Variants in TMEM9 observed in about 807,000 individuals in gnomAD.
The protein encoded by TMEM9 is proton-transporting V-type ATPase complex assembly regulator TMEM9.
In TMEM9, 13 loss-of-function variants were observed where a neutral mutation model predicts 22.8. That is an observed-to-expected ratio of 0.57 (90% CI 0.37 to 0.91). The LOEUF is 0.91. Ranked by LOEUF, TMEM9 falls within the 40% of genes least tolerant of loss-of-function variation. The pLI is 0.01. For synonymous variants in TMEM9, 88 were observed against 93.0 expected (o/e 0.95, Z 0.31); for missense variants, 182 against 238.1 (o/e 0.76, Z 1.55).
chr1:201,153,952 C>T lies in TMEM9; in HGVS notation c.-29G>A. The T allele has an allele frequency of 1.3e-6, 2 of 1,590,810 alleles. No individual in the cohort carries two copies. The highest frequency in any genetic ancestry group is 1.7e-6 in the Non-Finnish European group (2 of 1,167,894). On this transcript the variant is annotated 5_prime_UTR_variant, in exon 1 of 5. Transcript: ENST00000367330. Reference sequence around the variant, plus strand: ...TATCAGGCTTGCTGGGCCAGCAAAGCCGGACACCTGGAAAAAGAGATACGG... The same window carrying T: ...TATCAGGCTTGCTGGGCCAGCAAAGTCGGACACCTGGAAAAAGAGATACGG...
chr1:201,156,561 C>T (rs905534223), upstream of TMEM9, among the ~76,000 whole-genome samples: 3 of 152,180 alleles, frequency 2.0e-5, no homozygotes, highest in Non-Finnish European at 4.4e-5. Context: ...CTATATCTGA[C>T]TTTGCTCATT....
chr1:201,140,769 C>T (rs1201204281), intron 4 of TMEM9, among the ~76,000 whole-genome samples: 1 of 152,178 alleles, frequency 6.6e-6, no homozygotes, highest in Non-Finnish European at 1.5e-5. Flanking sequence ...GTTGTACAGG[C>T]CTAGGCGAAC....
upstream of TMEM9, among the ~76,000 whole-genome samples, chr1:201,159,492 C>T (rs1665889028): frequency 9.3e-6 from 1 of 107,026 alleles, no homozygotes; most frequent in African/African-American, 3.4e-5. Flanking sequence ...TATACACACA[C>T]ACACACACAC....
intron 1 of TMEM9, among the ~76,000 whole-genome samples, chr1:201,152,161 G>GGGGTGT (rs1553258140): frequency 6.7e-6 from 1 of 149,960 alleles, no homozygotes; most frequent in African/African-American, 2.4e-5. Flanking sequence ...AGGGGAAATG[G>GGGGTGT]GTGTGTGTGT....
intron 4 of TMEM9, among the ~76,000 whole-genome samples, chr1:201,142,795 C>G (rs1664644392): frequency 6.6e-6 from 1 of 152,242 alleles, no homozygotes; most frequent in Non-Finnish European, 1.5e-5. Context: ...GCAGCCCGCT[C>G]TGCTGTCTCA....
chr1:201,154,518 G>GC (rs1196969203), upstream of TMEM9: 3 of 153,252 alleles, frequency 2.0e-5, no homozygotes, highest in Non-Finnish European at 4.4e-5. Context: ...TGCCAGAGCA[G>GC]CCCCTTAACC....
At chr1:201,164,574 AAAT>A (rs1489186503) in intron 1 of TMEM9, among the ~76,000 whole-genome samples, 1 of 152,220 alleles carries the variant, frequency 6.6e-6, no homozygotes, top group Non-Finnish European at 1.5e-5. Context: ...AACCTAATAA[AAAT>A]AATAAATAGT....
intron 4 of TMEM9, among the ~76,000 whole-genome samples, chr1:201,139,859 A>T (rs928974567): frequency 6.7e-6 from 1 of 148,638 alleles, no homozygotes; most frequent in Non-Finnish European, 1.5e-5. Context: ...CACCAAGGAT[A>T]GTAAATGGCA....
intron 4 of TMEM9, among the ~76,000 whole-genome samples, chr1:201,142,848 C>A (rs972385978): frequency 6.6e-6 from 1 of 152,192 alleles, no homozygotes; most frequent in Non-Finnish European, 1.5e-5. Context: ...AGGGGGAGCC[C>A]GAGGCACACG....
intron 1 of TMEM9, among the ~76,000 whole-genome samples, chr1:201,167,368 A>G (rs1437285813): frequency 6.6e-6 from 1 of 152,156 alleles, no homozygotes; most frequent in Non-Finnish European, 1.5e-5. Context: ...TGGGTCGGAG[A>G]TAAAATTATA....
intron 4 of TMEM9, among the ~76,000 whole-genome samples, chr1:201,142,297 G>A (rs144709651): frequency 1.7e-3 from 253 of 152,300 alleles, no homozygotes; most frequent in African/African-American, 5.6e-3. Flanking sequence ...CCTTCTCTTC[G>A]CTGTTCATGC....
At chr1:201,162,091 C>T (rs1303268661) in intron 1 of TMEM9, among the ~76,000 whole-genome samples, 1 of 151,936 alleles carries the variant, frequency 6.6e-6, no homozygotes, top group African/African-American at 2.4e-5. Context: ...TATGAGTGAT[C>T]AAGAGTGTGT....
At chr1:201,135,873 T>A (rs991813360) in intron 4 of TMEM9, 58 bp from the exon 5 acceptor site, 10 of 1,478,874 alleles carry the variant, frequency 6.8e-6, no homozygotes, top group Non-Finnish European at 9.0e-6. Flanking sequence ...GGGTCTTGGA[T>A]CCTGAAAGTC....
chr1:201,161,495 T>C (rs910370879), intron 1 of TMEM9, among the ~76,000 whole-genome samples: 2 of 152,236 alleles, frequency 1.3e-5, no homozygotes, highest in Non-Finnish European at 2.9e-5. Context: ...TCAGGGAATA[T>C]GCTCCCAGGA....
intron 4 of TMEM9, among the ~76,000 whole-genome samples, chr1:201,140,699 G>A (rs1458615267): frequency 6.6e-6 from 1 of 152,172 alleles, no homozygotes; most frequent in Non-Finnish European, 1.5e-5. Flanking sequence ...CCAGACTTCT[G>A]GGGCGTAGGG....
At chr1:201,136,278 G>A (rs557457207) in intron 4 of TMEM9, among the ~76,000 whole-genome samples, 19 of 152,324 alleles carry the variant, frequency 1.2e-4, no homozygotes, top group African/African-American at 4.6e-4. Context: ...GCAATGCACC[G>A]AGGTGCCCCC....
Position 201,135,707 on chromosome 1 carries a change from C to T in TMEM9, c.508G>A (p.Glu170Lys), listed in dbSNP as rs559948954. 13 of 1,613,886 alleles carry T rather than the reference C, an allele frequency of 8.1e-6. No individual in the cohort carries two copies. In the South Asian group the frequency reaches 1.1e-4, roughly 14 times the overall value. The change falls in exon 5 of 5, where the codon GAG (glutamate) becomes AAG (lysine). Residue 170 changes from glutamate to lysine, a missense_variant. Transcript: ENST00000367330. ...CGATCGAAGACTGTCTTCCGCTGCT[C>T]CTGCACCTGCAGCTTCCACCGCTGC... is the stretch of plus-strand genomic sequence containing the variant. Reference protein sequence around the residue: ...AQQRWKLQVQEQRKTVFDRHK... With the variant: ...AQQRWKLQVQKQRKTVFDRHK...
intron 4 of TMEM9, among the ~76,000 whole-genome samples, chr1:201,136,619 C>G (rs1664012587): frequency 6.6e-6 from 1 of 152,172 alleles, no homozygotes; most frequent in African/African-American, 2.4e-5. Flanking sequence ...CTGCTGATCC[C>G]CTTCCCCTTT....
intron 1 of TMEM9, among the ~76,000 whole-genome samples, chr1:201,171,016 A>G (rs1239215092): frequency 3.9e-5 from 6 of 152,260 alleles, no homozygotes; most frequent in East Asian, 3.8e-4. Context: ...TCACCAGGCG[A>G]CAAGGCTTGT....
Sources: allele counts gnomAD v4.1 joint callset (sites outside exome capture counted in the v4.1 genomes callset), GRCh38; gene constraint gnomAD v4.1.1; transcripts MANE v1.5; gene names NCBI Gene and HGNC (gene_info 2026-07-23, HGNC 2026-07-21).